The following RAB11FIP4 variants were observed in gnomAD, a reference collection of about 807,000 sequenced individuals.
RAB11FIP4 encodes rab11 family-interacting protein 4.
In RAB11FIP4, 23 loss-of-function variants were observed where a neutral mutation model predicts 74.3. The ratio of observed to expected loss-of-function variants is 0.31; its 90% confidence interval spans 0.22 to 0.44. The LOEUF is 0.44. Ranked by LOEUF, RAB11FIP4 falls within the 20% of genes least tolerant of loss-of-function variation. RAB11FIP4 has a pLI of 1.00. For synonymous variants in RAB11FIP4, 360 were observed against 359.9 expected (o/e 1.00, Z 0.00); for missense variants, 630 against 863.9 (o/e 0.73, Z 3.39).
At chr17:31,477,000 A>G (rs889801744) in intron 3 of RAB11FIP4, among the ~76,000 whole-genome samples, 1 of 152,204 alleles carries the variant, frequency 6.6e-6, no homozygotes, top group Non-Finnish European at 1.5e-5. Flanking sequence ...GGCAGGCCCC[A>G]GGGAGCCGCC....
chr17:31,410,849 T>C (rs533711803), intron 1 of RAB11FIP4, among the ~76,000 whole-genome samples: 1 of 152,230 alleles, frequency 6.6e-6, no homozygotes, highest in East Asian at 1.9e-4. Context: ...CTGGGTGAGG[T>C]CCACCAGCCG....
At chr17:31,513,557 A>G (rs1180943795) in intron 3 of RAB11FIP4, among the ~76,000 whole-genome samples, 3 of 152,210 alleles carry the variant, frequency 2.0e-5, no homozygotes, top group Non-Finnish European at 2.9e-5. Context: ...AAGGGTGACC[A>G]TGGCAAATAC....
chr17:31,408,193 A>G (rs1466933834), intron 1 of RAB11FIP4, among the ~76,000 whole-genome samples: 1 of 152,184 alleles, frequency 6.6e-6, no homozygotes, highest in African/African-American at 2.4e-5. Flanking sequence ...TGTATTTTTA[A>G]TTGAAACAAG....
intron 3 of RAB11FIP4, among the ~76,000 whole-genome samples, chr17:31,445,533 T>C (rs1158947479): frequency 2.4e-3 from 29 of 11,870 alleles, no homozygotes; most frequent in African/African-American, 0.013. Flanking sequence ...TTCCCAATTT[T>C]ATATATATAT....
chr17:31,527,056 T>C (rs1316286046), intron 10 of RAB11FIP4: 1 of 152,236 alleles, frequency 6.6e-6, no homozygotes, highest in African/African-American at 2.4e-5. Context: ...CCCATGCCTG[T>C]GGTCATCAGA....
intron 3 of RAB11FIP4, among the ~76,000 whole-genome samples, chr17:31,499,476 C>T (rs2072177938): frequency 6.6e-6 from 1 of 152,178 alleles, no homozygotes; most frequent in Non-Finnish European, 1.5e-5. Flanking sequence ...CTGCCTCCGC[C>T]TCCCGAGTAG....
At chr17:31,455,329 C>G (rs2071569094) in intron 3 of RAB11FIP4, among the ~76,000 whole-genome samples, 2 of 152,178 alleles carry the variant, frequency 1.3e-5, no homozygotes, top group South Asian at 4.1e-4. Context: ...ATGTGTTATA[C>G]AGATACATAA....
At chr17:31,440,725 C>T (rs528490517) in intron 3 of RAB11FIP4, among the ~76,000 whole-genome samples, 6 of 152,170 alleles carry the variant, frequency 3.9e-5, no homozygotes, top group African/African-American at 1.4e-4. Flanking sequence ...GCTGAGATCA[C>T]GCCATTGCGC....
chr17:31,524,084 G>T, intron 9 of RAB11FIP4, 88 bp downstream of exon 9: 1 of 911,630 alleles, frequency 1.1e-6, no homozygotes, highest in Non-Finnish European at 1.7e-6. Context: ...GGAGGAGGCA[G>T]CCTCATGCCT....
chr17:31,428,065 C>T (rs1184873262), intron 1 of RAB11FIP4, among the ~76,000 whole-genome samples: 1 of 152,178 alleles, frequency 6.6e-6, no homozygotes, highest in Non-Finnish European at 1.5e-5. Context: ...CCTTCCCTCA[C>T]CCCAGACTCA....
intron 14 of RAB11FIP4, 52 bp downstream of exon 14, chr17:31,530,521 C>T: frequency 6.3e-7 from 1 of 1,592,132 alleles, no homozygotes; most frequent in South Asian, 1.1e-5. Flanking sequence ...TCTGTGATTC[C>T]TTCTCCCGGC....
intron 3 of RAB11FIP4, among the ~76,000 whole-genome samples, chr17:31,447,668 G>A (rs866925483): frequency 2.0e-5 from 3 of 150,288 alleles, no homozygotes; most frequent in South Asian, 2.1e-4. Flanking sequence ...GATTACACAC[G>A]CGCACCCCCA....
chr17:31,471,841 G>T (rs2071740139), intron 3 of RAB11FIP4, among the ~76,000 whole-genome samples: 1 of 152,174 alleles, frequency 6.6e-6, no homozygotes, highest in South Asian at 2.1e-4. Context: ...TTTCAGGTGG[G>T]GAGGCGCCCT....
chr17:31,522,335 A>G (rs371895457), intron 6 of RAB11FIP4, 25 bp from the exon 7 acceptor site: 3 of 1,612,908 alleles, frequency 1.9e-6, no homozygotes, highest in African/African-American at 1.3e-5. Flanking sequence ...CCTCTGTTCA[A>G]TGACTGTTTC....
chr17:31,496,163 T>G (rs2072112185), intron 3 of RAB11FIP4, among the ~76,000 whole-genome samples: 2 of 152,242 alleles, frequency 1.3e-5, no homozygotes, highest in Non-Finnish European at 2.9e-5. Flanking sequence ...TGGAGCCACC[T>G]TGTAGTGGTG....
Position 31,534,294 on chromosome 17 carries a change from A to C in RAB11FIP4, c.*2562A>C, listed in dbSNP as rs2072922233. 6.6e-6 allele frequency: 1 copy of C among 152,122 alleles called. No homozygotes were observed. The highest frequency in any genetic ancestry group is 2.4e-5 in the African/African-American group (1 of 41,386). The allele number at this position is 152,122 out of a possible 1,614,324, so 9.4% of individuals were successfully genotyped here. A position where few individuals can be genotyped will look rare whatever the true frequency, so the allele number is the denominator to read the frequency against. The stretch of plus-strand genomic sequence containing the variant: ...GACAGATGTTATTTTTAGAGATAGG[A>C]TCTTGCTCTGTTGCCCAGGCTGGAG... On this transcript the variant is annotated 3_prime_UTR_variant, in exon 15 of 15. Transcript: ENST00000621161.
intron 1 of RAB11FIP4, among the ~76,000 whole-genome samples, chr17:31,398,195 C>T (rs911023296): frequency 3.3e-5 from 5 of 152,052 alleles, no homozygotes; most frequent in African/African-American, 9.7e-5. Context: ...TGTGCCACCA[C>T]GCCCAGCTAA....
intron 6 of RAB11FIP4, 121 bp from the exon 7 acceptor site, chr17:31,522,239 T>C: frequency 7.7e-7 from 1 of 1,294,980 alleles, no homozygotes; most frequent in Non-Finnish European, 1.1e-6. Flanking sequence ...AGCTGACTAG[T>C]GAATTCCTTT....
chr17:31,403,100 C>G (rs1462286214), intron 1 of RAB11FIP4, among the ~76,000 whole-genome samples: 7 of 144,476 alleles, frequency 4.8e-5, no homozygotes, highest in Admixed American at 2.8e-4. Context: ...CGCCCCGCCC[C>G]CCCGCCCAGC....
Sources: gnomAD v4.1 joint callset for allele counts (sites outside exome capture counted in the v4.1 genomes callset) on GRCh38, gnomAD v4.1.1 for gene constraint, MANE v1.5 for transcripts, NCBI Gene and HGNC (gene_info 2026-07-23, HGNC 2026-07-21) for gene names.